The following NUP210L variants were observed in gnomAD, a reference collection of about 807,000 sequenced individuals.
NUP210L encodes nuclear pore membrane glycoprotein 210-like.
In NUP210L, 74 loss-of-function variants were observed where a neutral mutation model predicts 208.5. The ratio of observed to expected loss-of-function variants is 0.35; its 90% CI spans 0.29 to 0.43. The LOEUF is 0.43. Ranked by LOEUF, NUP210L falls within the 20% of genes least tolerant of loss-of-function variation. The pLI is 1.00. For missense variants in NUP210L, 1,843 were observed against 2,289.4 expected (o/e 0.81, Z 3.98); for synonymous variants, 780 against 816.9 (o/e 0.95, Z 0.77).
intron 10 of NUP210L, among the ~76,000 whole-genome samples, chr1:154,124,675 G>T (rs1481122181): frequency 6.6e-6 from 1 of 152,224 alleles, no homozygotes; most frequent in Non-Finnish European, 1.5e-5. Context: ...TATGCACCTG[G>T]TAGTGGTGGC....
chr1:154,081,133 A>G (rs1401279656), intron 16 of NUP210L, among the ~76,000 whole-genome samples: 4 of 151,982 alleles, frequency 2.6e-5, no homozygotes, highest in Non-Finnish European at 5.9e-5. Context: ...AATAAATTTT[A>G]TGTTCCATGA....
chr1:154,084,592 C>CTATT (rs1017888741), intron 16 of NUP210L, among the ~76,000 whole-genome samples: 51 of 151,526 alleles, frequency 3.4e-4, no homozygotes, highest in African/African-American at 1.1e-3. Context: ...AAATTTTTGT[C>CTATT]TATTTATTTA....
chr1:154,144,056 C>A (rs1225256448), intron 2 of NUP210L, among the ~76,000 whole-genome samples: 1 of 151,980 alleles, frequency 6.6e-6, no homozygotes, highest in Non-Finnish European at 1.5e-5. Flanking sequence ...GTGGCGGGCA[C>A]CTGTAGTCCC....
intron 27 of NUP210L, among the ~76,000 whole-genome samples, chr1:154,030,665 G>C (rs898006188): frequency 1.3e-5 from 2 of 152,104 alleles, no homozygotes; most frequent in African/African-American, 4.8e-5. Context: ...TACAGGCATA[G>C]AACCTGTAAT....
chr1:154,032,679 AG>A (rs1652300172), intron 27 of NUP210L, among the ~76,000 whole-genome samples: 2 of 152,086 alleles, frequency 1.3e-5, no homozygotes, highest in Non-Finnish European at 2.9e-5. Context: ...GCACTTTGGG[AG>A]GCCGAGGCAG....
chr1:154,127,844 T>C (rs1275397171), intron 8 of NUP210L, among the ~76,000 whole-genome samples: 1 of 151,202 alleles, frequency 6.6e-6, no homozygotes, highest in Non-Finnish European at 1.5e-5. Context: ...CCTGAGCCAC[T>C]GTGCCTGGTC....
chr1:154,131,889 C>T (rs1342364285), intron 7 of NUP210L, among the ~76,000 whole-genome samples: 1 of 152,186 alleles, frequency 6.6e-6, no homozygotes. Context: ...ACTGCAACTT[C>T]TGCCTCCTAG....
At chr1:154,147,877 A>G (rs1024949504) in intron 2 of NUP210L, among the ~76,000 whole-genome samples, 5 of 148,524 alleles carry the variant, frequency 3.4e-5, no homozygotes, top group Non-Finnish European at 7.5e-5. Flanking sequence ...GCCTGGTCTC[A>G]AACTCCTGAC....
At chr1:154,072,179 T>C (rs190079081) in intron 16 of NUP210L, among the ~76,000 whole-genome samples, 1 of 152,094 alleles carries the variant, frequency 6.6e-6, no homozygotes, top group East Asian at 1.9e-4. Context: ...TAGCTTTACT[T>C]TTAGGTCTTT....
intron 25 of NUP210L, among the ~76,000 whole-genome samples, chr1:154,052,562 C>A (rs1331839605): frequency 6.6e-6 from 1 of 152,188 alleles, no homozygotes; most frequent in Non-Finnish European, 1.5e-5. Flanking sequence ...ATTCCTTCAA[C>A]AAGGGCTGAC....
exon 36 of NUP210L, chr1:154,001,774 T>C (rs1650226846): frequency 6.2e-7 from 1 of 1,614,188 alleles, no homozygotes; most frequent in South Asian, 1.1e-5. Context: ...CCAGTACTCT[T>C]ATCTCCCCGA....
intron 7 of NUP210L, among the ~76,000 whole-genome samples, chr1:154,130,576 ATTTTTTTT>A (rs765115829): frequency 6.1e-5 from 6 of 98,962 alleles, no homozygotes; most frequent in African/African-American, 1.5e-4. Flanking sequence ...CCTGGCCCCA[ATTTTTTTT>A]TTTTTTTTTT....
chr1:154,138,653 G>T (rs542380633), intron 5 of NUP210L, among the ~76,000 whole-genome samples: 4 of 152,100 alleles, frequency 2.6e-5, no homozygotes, highest in African/African-American at 4.8e-5. Context: ...CCAATGCAAG[G>T]TTGGTAGGCT....
intron 15 of NUP210L, among the ~76,000 whole-genome samples, chr1:154,091,071 GTTA>G (rs111324293): frequency 0.11 from 15,914 of 140,648 alleles, 1,036 homozygotes; most frequent in East Asian, 0.22. Context: ...TATTATTGCT[GTTA>G]TTATTATTAT....
intron 13 of NUP210L, among the ~76,000 whole-genome samples, chr1:154,102,635 C>T (rs1656526619): frequency 6.6e-6 from 1 of 152,022 alleles, no homozygotes; most frequent in Non-Finnish European, 1.5e-5. Flanking sequence ...CAGAACAGAG[C>T]TTGGCAAAGA....
chr1:153,997,622 G>A (rs1472177203), intron 37 of NUP210L, among the ~76,000 whole-genome samples: 4 of 150,708 alleles, frequency 2.7e-5, no homozygotes, highest in Admixed American at 2.0e-4. Flanking sequence ...CATCACACCT[G>A]GCTAATTATT....
intron 10 of NUP210L, among the ~76,000 whole-genome samples, chr1:154,120,102 G>T (rs977608772): frequency 6.6e-6 from 1 of 152,164 alleles, no homozygotes; most frequent in South Asian, 2.1e-4. Flanking sequence ...GGTGTGAGAT[G>T]ATATCTCATT....
rs140400315 is a variant in NUP210L at position 154,052,045 on chromosome 1, G to A, written c.3483+2183C>T. ...GAGAAACAGGGACTACGGGACCCCC[G>A]TATGCAACTGAATCTAGCATTATTG... On this transcript the variant is annotated intron_variant, in intron 25 of 39. Coordinates refer to ENST00000368559, the Ensembl canonical transcript of NUP210L. 8.3e-4 allele frequency among the ~76,000 whole-genome samples: 126 copies of A among 152,310 alleles called. No homozygotes were observed. The Middle Eastern group carries it at 0.02, about 25-fold the overall frequency.
At chr1:153,993,141 AG>A (rs1462431055) in intron 38 of NUP210L, 52 bp from the exon 39 acceptor site, 11 of 1,256,100 alleles carry the variant, frequency 8.8e-6, no homozygotes, top group African/African-American at 1.5e-5. Flanking sequence ...AGGCCTTAAA[AG>A]GCAAAGTCAA....
Sources: allele counts gnomAD v4.1 joint callset (sites outside exome capture counted in the v4.1 genomes callset), GRCh38; gene constraint gnomAD v4.1.1; transcripts MANE v1.5; gene names NCBI Gene and HGNC (gene_info 2026-07-23, HGNC 2026-07-21).